CADM2: variants seen among roughly 807,000 people sequenced by gnomAD.
The protein encoded by CADM2 is cell adhesion molecule 2.
In CADM2, 12 loss-of-function variants were observed where a neutral mutation model predicts 49.8. The observed-to-expected ratio is 0.24, with a 90% CI of 0.15 to 0.39. The LOEUF (loss-of-function observed/expected upper bound fraction) is 0.39. CADM2 is among the 10% of genes least tolerant of loss of function. The probability of loss-of-function intolerance (pLI) is 1.00; values close to 1 mark genes in which losing one functional copy is unlikely to be tolerated. For missense variants in CADM2, 378 were observed against 492.3 expected (o/e 0.77, Z 2.20); for synonymous variants, 214 against 175.4 (o/e 1.22, Z -1.74).
rs577339056 is a variant in CADM2 at position 86,009,985 on chromosome 3, T to C, written c.970+48338T>C. 1.4e-4 allele frequency among the ~76,000 whole-genome samples: 22 copies of C among 152,018 alleles called. No homozygotes were observed. The South Asian group carries it at 3.5e-3, about 24-fold the overall frequency. On this transcript the variant is annotated intron_variant, in intron 8 of 9. Coordinates refer to ENST00000383699, the MANE Select transcript of CADM2 (RefSeq NM_001167675.2). ...AAATGACGCCTTTTTTACTTGTTGA[T>C]TGTCTTGGTGAAATTTGCTGTTCCT...
At chr3:85,061,814 C>T (rs2036328645) in intron 1 of CADM2, among the ~76,000 whole-genome samples, 1 of 152,054 alleles carries the variant, frequency 6.6e-6, no homozygotes, top group African/African-American at 2.4e-5. Flanking sequence ...CATATATACA[C>T]ATATACTTTT....
chr3:86,022,357 A>G (rs1041730781), intron 8 of CADM2, among the ~76,000 whole-genome samples: 2 of 152,090 alleles, frequency 1.3e-5, no homozygotes, highest in African/African-American at 4.8e-5. Flanking sequence ...TTCAGTTTCC[A>G]TGTCTCCCAC....
At chr3:85,392,711 A>G (rs2034574068) in intron 1 of CADM2, among the ~76,000 whole-genome samples, 1 of 152,130 alleles carries the variant, frequency 6.6e-6, no homozygotes, top group Admixed American at 6.5e-5. Context: ...AAAATTCTAT[A>G]AACTCTTTAT....
chr3:85,410,027 G>A (rs1462853637), intron 1 of CADM2, among the ~76,000 whole-genome samples: 1 of 152,086 alleles, frequency 6.6e-6, no homozygotes, highest in African/African-American at 2.4e-5. Context: ...CCTGCCTGAT[G>A]ATTCCTTCTC....
At chr3:85,887,592 T>A (rs1713846573) in intron 5 of CADM2, among the ~76,000 whole-genome samples, 1 of 152,224 alleles carries the variant, frequency 6.6e-6, no homozygotes, top group Non-Finnish European at 1.5e-5. Context: ...AATTTTACCC[T>A]GATCACTACG....
intron 1 of CADM2, among the ~76,000 whole-genome samples, chr3:85,598,855 GTATA>G (rs548323149): frequency 1.9e-4 from 9 of 46,222 alleles, no homozygotes; most frequent in African/African-American, 2.5e-4. Context: ...GTGTGTGTGT[GTATA>G]TATATATATA....
At chr3:85,878,684 A>G (rs1337639829) in intron 3 of CADM2, among the ~76,000 whole-genome samples, 2 of 152,104 alleles carry the variant, frequency 1.3e-5, no homozygotes, top group Non-Finnish European at 2.9e-5. Context: ...TTTGATTTCA[A>G]ATCAGTACCT....
intron 1 of CADM2, among the ~76,000 whole-genome samples, chr3:85,663,361 C>G (rs2065469175): frequency 6.6e-6 from 1 of 151,944 alleles, no homozygotes; most frequent in South Asian, 2.1e-4. Context: ...CCACTCAGCG[C>G]TTTTTTTCAT....
chr3:85,269,007 C>G (rs373628210), intron 1 of CADM2, among the ~76,000 whole-genome samples: 1 of 151,012 alleles, frequency 6.6e-6, no homozygotes, highest in South Asian at 2.1e-4. Context: ...AGAAAATAAA[C>G]AACAGAAACA....
chr3:85,883,200 C>A, intron 3 of CADM2, 91 bp from the exon 4 acceptor site: 1 of 978,648 alleles, frequency 1.0e-6, no homozygotes, highest in South Asian at 2.8e-5. Context: ...CCAAAGAAAA[C>A]ATTTATTGTA....
intron 1 of CADM2, among the ~76,000 whole-genome samples, chr3:85,564,403 A>G (rs182039213): frequency 5.4e-4 from 82 of 152,218 alleles, no homozygotes; most frequent in Admixed American, 5.3e-3. Context: ...TTAGAGTAAG[A>G]GTCTAGCACG....
intron 3 of CADM2, among the ~76,000 whole-genome samples, chr3:85,864,950 GAAC>G (rs917475480): frequency 6.6e-6 from 1 of 152,080 alleles, no homozygotes; most frequent in Non-Finnish European, 1.5e-5. Context: ...TCTTGAGGTT[GAAC>G]ATTATCTTAA....
rs752915894 is a variant in CADM2, at chr3:86,069,779, G to A, written c.*2996G>A. 2.0e-5 allele frequency: 3 copies of A among 152,018 alleles called. No homozygotes were observed. Among genetic ancestry groups the A allele is most frequent in the Non-Finnish European group, 1.5e-5 (1 of 67,878 alleles). The allele number at this position is 152,018 out of a possible 1,614,324, so 9.4% of individuals were successfully genotyped here. On this transcript the variant is annotated 3_prime_UTR_variant, in exon 10 of 10. Coordinates refer to ENST00000383699, the MANE Select transcript of CADM2 (RefSeq NM_001167675.2). Reference sequence around the variant, plus strand: ...ATTCTCTGCCAGTGTACTGTTTACAGTGTAAATTGATTGTCCTCCGTCAAA... The same window carrying A: ...ATTCTCTGCCAGTGTACTGTTTACAATGTAAATTGATTGTCCTCCGTCAAA...
intron 1 of CADM2, among the ~76,000 whole-genome samples, chr3:85,402,048 G>T (rs774216791): frequency 9.2e-5 from 14 of 152,022 alleles, no homozygotes; most frequent in Non-Finnish European, 1.9e-4. Context: ...ATAATTCATA[G>T]AAATACGTTA....
intron 1 of CADM2, among the ~76,000 whole-genome samples, chr3:85,248,542 C>T (rs1323365901): frequency 2.0e-5 from 3 of 152,138 alleles, no homozygotes; most frequent in Admixed American, 2.0e-4. Context: ...TCCCAATTTG[C>T]TAGGATTACA....
chr3:85,671,150 G>T (rs1481810145), intron 1 of CADM2, among the ~76,000 whole-genome samples: 1 of 152,180 alleles, frequency 6.6e-6, no homozygotes, highest in East Asian at 1.9e-4. Flanking sequence ...ATAAAAGGAA[G>T]ACTCTGCAGT....
intron 1 of CADM2, among the ~76,000 whole-genome samples, chr3:85,647,743 A>G (rs1355221164): frequency 6.6e-6 from 1 of 151,794 alleles, no homozygotes; most frequent in African/African-American, 2.4e-5. Flanking sequence ...TTATTCAAAT[A>G]TTTTTGTGAC....
At chr3:85,419,407 G>C (rs1034144904) in intron 1 of CADM2, among the ~76,000 whole-genome samples, 1 of 151,950 alleles carries the variant, frequency 6.6e-6, no homozygotes, top group Non-Finnish European at 1.5e-5. Context: ...GCAGTGAGCG[G>C]AGATCGCGCC....
chr3:85,769,979 T>C (rs192393454), intron 2 of CADM2, among the ~76,000 whole-genome samples: 23 of 150,458 alleles, frequency 1.5e-4, no homozygotes, highest in Admixed American at 7.3e-4. Flanking sequence ...TGCAAATTTA[T>C]ATATGATTCA....
Sources: allele counts gnomAD v4.1 joint callset (sites outside exome capture counted in the v4.1 genomes callset), GRCh38; gene constraint gnomAD v4.1.1; transcripts MANE v1.5; gene names NCBI Gene and HGNC (gene_info 2026-07-23, HGNC 2026-07-21).